The following TLCD4 variants were observed in gnomAD, a reference collection of about 807,000 sequenced individuals.
TLCD4 encodes TLC domain-containing protein 4.
A neutral mutation model predicts 24.2 loss-of-function variants in TLCD4; 7 were observed. The observed-to-expected ratio is 0.29, with a 90% confidence interval of 0.16 to 0.54. TLCD4 has a LOEUF of 0.54. TLCD4 is among the 20% of genes least tolerant of loss of function. The probability of loss-of-function intolerance (pLI) is 0.95; values close to 1 mark genes in which losing one functional copy is unlikely to be tolerated. For missense variants in TLCD4, 259 were observed against 313.9 expected, an observed-to-expected ratio of 0.82 and a Z score of 1.32; for synonymous variants, 103 against 106.4, an observed-to-expected ratio of 0.97 and a Z score of 0.20.
intron 6 of TLCD4, among the ~76,000 whole-genome samples, chr1:95,189,767 G>A (rs1284244947): frequency 6.6e-6 from 1 of 152,166 alleles, no homozygotes; most frequent in East Asian, 1.9e-4. Flanking sequence ...GTACTACAAT[G>A]TTTGTCCATC....
intron 1 of TLCD4, chr1:95,138,321 T>A (rs1677103885): frequency 6.6e-6 from 1 of 152,142 alleles, no homozygotes; most frequent in Non-Finnish European, 1.5e-5. Flanking sequence ...GATGGACTGT[T>A]TTTTGATGTG....
chr1:95,127,799 C>G (rs1676780721), intron 1 of TLCD4, among the ~76,000 whole-genome samples: 1 of 152,184 alleles, frequency 6.6e-6, no homozygotes. Flanking sequence ...GGTGGGCTCT[C>G]AAGCTGTATA....
At chr1:95,114,548 G>GT (rs1185346551), upstream of TLCD4, among the ~76,000 whole-genome samples, 1 of 152,144 alleles carries the variant, frequency 6.6e-6, no homozygotes, top group Non-Finnish European at 1.5e-5. Context: ...ATTTAAAACA[G>GT]TTTTTGGCTG....
chr1:95,108,924 A>C, the TLCD4 span, among the ~76,000 whole-genome samples: 1 of 152,182 alleles, frequency 6.6e-6, no homozygotes, highest in Non-Finnish European at 1.5e-5. Flanking sequence ...ATCTTTTAAA[A>C]ATTGTTCTTC....
rs1262296070 is a variant in TLCD4 at position 95,191,900 on chromosome 1, T to C, written c.*32T>C. On this transcript the variant is annotated 3_prime_UTR_variant, in exon 7 of 7. Coordinates refer to ENST00000370203, the MANE Select transcript of TLCD4 (RefSeq NM_152487.3). Reference sequence around the variant, plus strand: ...GCTACCGATAAGCAAACTTCATTACTACCCAGCATATCTGCTGATAGGATG... The same window carrying C: ...GCTACCGATAAGCAAACTTCATTACCACCCAGCATATCTGCTGATAGGATG... The C allele has an allele frequency of 3.1e-6, 5 of 1,590,060 alleles. No individual in the cohort carries two copies. The East Asian group carries it at 9.0e-5, about 28-fold the overall frequency.
intron 6 of TLCD4, among the ~76,000 whole-genome samples, chr1:95,176,328 A>G (rs12062575): frequency 7.1e-4 from 108 of 151,772 alleles, no homozygotes; most frequent in African/African-American, 2.5e-3. Context: ...AGTAGCTAGA[A>G]TTACAGGCAT....
In TLCD4 at chr1:95,165,496, G is replaced by A. The variant is rs182109970; in HGVS notation, c.400-8320G>A. Reference sequence around the variant, plus strand: ...TTTTTTTTTTTTCAGACAAAGTCTCGCTCTTGTCCCCCAGGGTGGAGTGCA... The same window carrying A: ...TTTTTTTTTTTTCAGACAAAGTCTCACTCTTGTCCCCCAGGGTGGAGTGCA... On this transcript the variant is annotated intron_variant, in intron 5 of 6. Coordinates refer to ENST00000370203, the MANE Select transcript of TLCD4 (RefSeq NM_152487.3). Among the ~76,000 whole-genome samples, 383 of 142,416 alleles carry A rather than the reference G, an allele frequency of 2.7e-3. 8 individuals carry two copies. The highest frequency in any genetic ancestry group is 0.024 in the Admixed American group (330 of 13,778). The allele number at this position is 142,416 out of a possible 152,430, so 93.4% of individuals were successfully genotyped here.
At chr1:95,127,915 A>G (rs530185365) in intron 1 of TLCD4, among the ~76,000 whole-genome samples, 1 of 152,316 alleles carries the variant, frequency 6.6e-6, no homozygotes, top group Admixed American at 6.5e-5. Flanking sequence ...CCAAAATCCA[A>G]TGGCTGTAAT....
intron 5 of TLCD4, among the ~76,000 whole-genome samples, chr1:95,165,677 G>T (rs972627164): frequency 6.6e-6 from 1 of 152,106 alleles, no homozygotes; most frequent in Admixed American, 6.6e-5. Flanking sequence ...ATGTTGGCAG[G>T]CTGGTCTCAA....
the TLCD4 span, among the ~76,000 whole-genome samples, chr1:95,102,922 T>A: frequency 2.6e-5 from 4 of 151,008 alleles, 1 homozygote; most frequent in East Asian, 5.8e-4. Context: ...ATATATATAT[T>A]TGCAGAACTT....
chr1:95,178,832 C>T (rs1285948654), intron 6 of TLCD4, among the ~76,000 whole-genome samples: 2 of 152,122 alleles, frequency 1.3e-5, no homozygotes, highest in Non-Finnish European at 1.5e-5. Flanking sequence ...GTGTTTTGTT[C>T]TCTTAGGTGG....
At chr1:95,164,633 C>T (rs186087256) in intron 5 of TLCD4, 1 of 152,288 alleles carries the variant, frequency 6.6e-6, no homozygotes, top group East Asian at 1.9e-4. Flanking sequence ...GGAACCCCCG[C>T]CACCTCTTGA....
chr1:95,122,859 C>T (rs1676607577), intron 1 of TLCD4, among the ~76,000 whole-genome samples: 1 of 152,150 alleles, frequency 6.6e-6, no homozygotes, highest in African/African-American at 2.4e-5. Flanking sequence ...AAAAATTAAA[C>T]TTCTCTCTAT....
rs183074991 is a variant in TLCD4, at chr1:95,152,070, A to G, written c.399+651A>G. Among the ~76,000 whole-genome samples the G allele has an allele frequency of 9.7e-3, 1,477 of 152,140 alleles. 14 individuals are homozygous for G. Among genetic ancestry groups the G allele is most frequent in the Non-Finnish European group, 0.016 (1,106 of 67,952 alleles). On this transcript the variant is annotated intron_variant, in intron 5 of 6. Coordinates refer to ENST00000370203, the MANE Select transcript of TLCD4 (RefSeq NM_152487.3). ...GCTCAAGGTAGATATTGCAACTGCAATTTTTTTCATAAAGATGGTTGCTTT... is the reference window on the plus strand; with the variant it reads ...GCTCAAGGTAGATATTGCAACTGCAGTTTTTTTCATAAAGATGGTTGCTTT...
chr1:95,123,839 C>G (rs1283699117), intron 1 of TLCD4, among the ~76,000 whole-genome samples: 3 of 152,144 alleles, frequency 2.0e-5, no homozygotes, highest in African/African-American at 7.2e-5. Flanking sequence ...TTGATAAACA[C>G]TCTTATAAAT....
chr1:95,094,584 C>A, the TLCD4 span, among the ~76,000 whole-genome samples: 1 of 152,100 alleles, frequency 6.6e-6, no homozygotes, highest in Non-Finnish European at 1.5e-5. Flanking sequence ...GTGCTGTATG[C>A]CACTGCACAG....
intron 1 of TLCD4, among the ~76,000 whole-genome samples, chr1:95,129,104 G>T (rs1676819242): frequency 6.6e-6 from 1 of 152,066 alleles, no homozygotes; most frequent in African/African-American, 2.4e-5. Context: ...ACAATTATGA[G>T]AAAAATAAAG....
intron 1 of TLCD4, among the ~76,000 whole-genome samples, chr1:95,123,550 T>A (rs975087887): frequency 4.6e-5 from 7 of 152,208 alleles, no homozygotes; most frequent in Non-Finnish European, 2.9e-5. Context: ...ATGATCAATA[T>A]TTAAGAGAAT....
At chr1:95,191,302 C>T (rs1181829749) in intron 6 of TLCD4, among the ~76,000 whole-genome samples, 1 of 152,070 alleles carries the variant, frequency 6.6e-6, no homozygotes. Context: ...TCTGAGCTCT[C>T]TTTTCTCTTC....
Sources: allele counts gnomAD v4.1 joint callset (sites outside exome capture counted in the v4.1 genomes callset), GRCh38; gene constraint gnomAD v4.1.1; transcripts MANE v1.5; gene names NCBI Gene and HGNC (gene_info 2026-07-23, HGNC 2026-07-21).